Variants in SNX14 observed in about 807,000 individuals in gnomAD.
SNX14 encodes sorting nexin-14.
A neutral mutation model predicts 133.8 loss-of-function variants in SNX14; 93 were observed. The ratio of observed to expected loss-of-function variants is 0.70; its 90% CI spans 0.59 to 0.83. SNX14 has a LOEUF of 0.83. Among genes scored for constraint, SNX14 ranks in the 40% least tolerant of loss-of-function variants. SNX14 has a pLI of 0.00. For missense variants in SNX14, 945 were observed against 1,094.9 expected (o/e 0.86, Z 1.93); for synonymous variants, 368 against 365.6 (o/e 1.01, Z -0.07).
At chr6:85,542,082 T>A in intron 14 of SNX14, 39 bp from the exon 15 acceptor site, 1 of 1,342,030 alleles carries the variant, frequency 7.5e-7, no homozygotes, top group Non-Finnish European at 1.0e-6. Context: ...TTATTACACT[T>A]ACAATTAACA....
At chr6:85,526,850 C>A (rs1184596388) in intron 20 of SNX14, among the ~76,000 whole-genome samples, 1 of 152,128 alleles carries the variant, frequency 6.6e-6, no homozygotes, top group East Asian at 1.9e-4. Flanking sequence ...CAGTGGATCA[C>A]CTGAGGTCAG....
intron 1 of SNX14, among the ~76,000 whole-genome samples, chr6:85,578,514 C>T (rs1196170793): frequency 6.6e-6 from 1 of 152,028 alleles, no homozygotes; most frequent in East Asian, 1.9e-4. Context: ...GGGATCTTTT[C>T]CAGCAGCATT....
At chr6:85,529,441 T>C (rs947573303) in intron 19 of SNX14, among the ~76,000 whole-genome samples, 21 of 152,128 alleles carry the variant, frequency 1.4e-4, no homozygotes, top group Non-Finnish European at 5.9e-5. Context: ...CTTTCTCAGA[T>C]AGGGCTGGCT....
chr6:85,520,973 A>C (rs954572419), intron 21 of SNX14, among the ~76,000 whole-genome samples: 13 of 152,158 alleles, frequency 8.5e-5, no homozygotes, highest in Non-Finnish European at 1.9e-4. Context: ...CTGAGAGAGG[A>C]ACTGCTGGGT....
Position 85,547,207 on chromosome 6 carries a change from T to G in SNX14, c.1013A>C (p.Lys338Thr), listed in dbSNP as rs1399856620. Reference protein sequence around the residue: ...KKPSVLKLELKQIREQQDLLF... With the variant: ...KKPSVLKLELTQIREQQDLLF... Reference sequence around the variant, plus strand: ...AAGATCTTGTTGCTCTCTGATTTGCTTCAATTCTAACTTCAGCACCTTGAT... The same window carrying G: ...AAGATCTTGTTGCTCTCTGATTTGCGTCAATTCTAACTTCAGCACCTTGAT... The change falls in exon 12 of 29, where the codon AAG becomes ACG. Residue 338 changes from lysine to threonine, a missense_variant. By Grantham distance (78) the Lys-to-Thr change is moderately conservative. Transcript: ENST00000314673. The G allele has an allele frequency of 6.2e-7, 1 of 1,614,120 alleles. No homozygotes were observed. The highest frequency in any genetic ancestry group is 1.1e-5 in the South Asian group (1 of 91,082).
intron 1 of SNX14, chr6:85,589,071 A>G: frequency 2.8e-6 from 1 of 357,680 alleles, no homozygotes; most frequent in Non-Finnish European, 5.5e-6. Context: ...CTCTAAAAAC[A>G]TTTTTATATA....
intron 5 of SNX14, among the ~76,000 whole-genome samples, chr6:85,566,895 T>C (rs1794046437): frequency 6.6e-6 from 1 of 152,230 alleles, no homozygotes; most frequent in South Asian, 2.1e-4. Flanking sequence ...TCAAAATAGA[T>C]TTCTGTCAAA....
intron 28 of SNX14, 136 bp downstream of exon 28, chr6:85,507,097 C>G: frequency 1.4e-6 from 1 of 731,144 alleles, no homozygotes; most frequent in South Asian, 1.8e-5. Flanking sequence ...ATACAAAAGG[C>G]AATTTGCTGA....
chr6:85,543,390 G>A lies in SNX14; in HGVS notation c.1265-84C>T, dbSNP rs550336609. 5.1e-5 allele frequency: 64 copies of A among 1,257,928 alleles called. No homozygotes were observed. In the South Asian group the frequency reaches 1.0e-3, roughly 20 times the overall value. The allele number at this position is 1,257,928 out of a possible 1,614,324, so 77.9% of individuals were successfully genotyped here. A position where few individuals can be genotyped will look rare whatever the true frequency, so the allele number is the denominator to read the frequency against. On this transcript the variant is annotated intron_variant, in intron 13 of 28. Coordinates refer to ENST00000314673, the MANE Select transcript of SNX14 (RefSeq NM_153816.6). ...TAAAACGTTTTACTGAAACTCCACT[G>A]AAACACACTAGATTGAGAAATTAGA...
intron 6 of SNX14, among the ~76,000 whole-genome samples, chr6:85,565,119 T>C (rs1793349256): frequency 6.6e-6 from 1 of 152,112 alleles, no homozygotes; most frequent in African/African-American, 2.4e-5. Context: ...ACTGAGTATA[T>C]TTGGATTGTT....
rs866849133 is a variant in SNX14 at position 85,538,822 on chromosome 6, C to T, written c.1475+16G>A. On this transcript the variant is annotated intron_variant, in intron 16 of 28. Coordinates refer to ENST00000314673, the MANE Select transcript of SNX14 (RefSeq NM_153816.6). The stretch of plus-strand genomic sequence containing the variant: ...AAACATTTAATACTGAAAAGAATCA[C>T]ATGCTCAAGACTTACCGAAAATCAT... The T allele has an allele frequency of 5.7e-6, 9 of 1,586,880 alleles. No individual in the cohort carries two copies. The highest frequency in any genetic ancestry group is 1.2e-5 in the South Asian group (1 of 86,120).
intron 15 of SNX14, among the ~76,000 whole-genome samples, chr6:85,539,517 T>C (rs1242438111): frequency 6.6e-6 from 1 of 152,208 alleles, no homozygotes; most frequent in Admixed American, 6.5e-5. Context: ...CATTAGAATT[T>C]TACTTTGAAA....
intron 17 of SNX14, among the ~76,000 whole-genome samples, chr6:85,535,746 C>A (rs1781757923): frequency 6.6e-6 from 1 of 151,590 alleles, no homozygotes; most frequent in Non-Finnish European, 1.5e-5. Flanking sequence ...AATCAGTGAC[C>A]CTTACATGAA....
chr6:85,542,817 G>T (rs772334809), intron 14 of SNX14, among the ~76,000 whole-genome samples: 1 of 152,082 alleles, frequency 6.6e-6, no homozygotes, highest in South Asian at 2.1e-4. Flanking sequence ...CCAGGCTTGA[G>T]TTGTAGTGGT....
intron 12 of SNX14, among the ~76,000 whole-genome samples, chr6:85,546,629 G>T (rs183956191): frequency 1.1e-4 from 17 of 152,140 alleles, no homozygotes; most frequent in Admixed American, 8.5e-4. Context: ...AATCTGGAAA[G>T]AAGTGGGCAC....
At chr6:85,570,877 C>T (rs1014918291) in intron 4 of SNX14, among the ~76,000 whole-genome samples, 1 of 151,722 alleles carries the variant, frequency 6.6e-6, no homozygotes, top group Non-Finnish European at 1.5e-5. Context: ...CTTTACATTC[C>T]TTTTTTCTAA....
chr6:85,536,996 A>AT lies in SNX14; in HGVS notation c.1476-73dup, dbSNP rs970132902. 1.2e-5 allele frequency: 16 copies of AT among 1,347,294 alleles called. No individual in the cohort carries two copies. In the African/African-American group the frequency reaches 2.9e-4, roughly 25 times the overall value. 83.5% of individuals were successfully genotyped at this position (1,347,294 alleles called of 1,614,324 possible). On this transcript the variant is annotated intron_variant, in intron 16 of 28. Transcript: ENST00000314673. ...ACAGTCTAGTTTATTGAAAACCATT[A>AT]TTAAAAAAAAGAAAAACAGTTTTGA...
chr6:85,507,521 CATTA>C (rs1313014359), intron 27 of SNX14, among the ~76,000 whole-genome samples: 7 of 152,068 alleles, frequency 4.6e-5, no homozygotes, highest in African/African-American at 9.7e-5. Flanking sequence ...CATTATGCCT[CATTA>C]ATTCATTTTT....
rs370776810 is a variant in SNX14, at chr6:85,547,224, C to A, written c.996G>T (p.Val332=). ...TGATTTGCTTCAATTCTAACTTCAG[C>A]ACCTTGATATAAGAGAAAGATTAAG... is the stretch of plus-strand genomic sequence containing the variant. The part of the protein sequence containing the change: ...FAEPRNKKPS[V]LKLELKQIRE... Residue 332 remains valine (V), a splice_region_variant and synonymous_variant, in exon 12 of 29, where the codon GTG becomes GTT. Coordinates refer to ENST00000314673, the MANE Select transcript of SNX14 (RefSeq NM_153816.6). 5.0e-6 allele frequency: 8 copies of A among 1,613,428 alleles called. No individual in the cohort carries two copies. In the African/African-American group the frequency reaches 1.1e-4, roughly 22 times the overall value.
Sources: allele counts gnomAD v4.1 joint callset (sites outside exome capture counted in the v4.1 genomes callset), GRCh38; gene constraint gnomAD v4.1.1; transcripts MANE v1.5; gene names NCBI Gene and HGNC (gene_info 2026-07-23, HGNC 2026-07-21).